COX10: variants seen among roughly 807,000 people sequenced by gnomAD.
The protein encoded by COX10 is protoheme IX farnesyltransferase, mitochondrial.
Under a neutral mutation model 37.3 loss-of-function variants are expected in COX10, and 27 were observed. The observed-to-expected ratio is 0.72, with a 90% confidence interval of 0.53 to 1.00. COX10 has a LOEUF of 1.00. Among genes scored for constraint, COX10 ranks in the 50% least tolerant of loss-of-function variants. The probability of loss-of-function intolerance (pLI) is 0.00; values close to 1 mark genes in which losing one functional copy is unlikely to be tolerated. For missense variants in COX10, 475 were observed against 563.2 expected (o/e 0.84, Z 1.59); for synonymous variants, 222 against 229.1 (o/e 0.97, Z 0.28).
chr17:14,069,693 T>G, intron 1 of COX10, 45 bp downstream of exon 1: 2 of 1,611,956 alleles, frequency 1.2e-6, no homozygotes, highest in Non-Finnish European at 1.7e-6. Flanking sequence ...AATTCTTCTC[T>G]TATTACCACG....
chr17:14,115,408 A>G (rs1916088453), intron 4 of COX10, among the ~76,000 whole-genome samples: 1 of 152,154 alleles, frequency 6.6e-6, no homozygotes, highest in Non-Finnish European at 1.5e-5. Flanking sequence ...TGCAGAGAAA[A>G]GGGAACTCAT....
chr17:14,145,754 G>T (rs949097663), intron 4 of COX10, among the ~76,000 whole-genome samples: 3 of 152,136 alleles, frequency 2.0e-5, no homozygotes, highest in Non-Finnish European at 4.4e-5. Flanking sequence ...AAGTTACTAG[G>T]GGAGGATCAA....
chr17:14,204,407 TGGATCCATAAGCCCA>T (rs1265672821), intron 6 of COX10, among the ~76,000 whole-genome samples: 5 of 152,028 alleles, frequency 3.3e-5, no homozygotes, highest in Non-Finnish European at 7.4e-5. Context: ...GGCATCTGTA[TGGATCCATAAGCCCA>T]GGATCCATAA....
intron 5 of COX10, among the ~76,000 whole-genome samples, chr17:14,184,746 G>T (rs878932176): frequency 6.6e-6 from 1 of 152,132 alleles, no homozygotes; most frequent in African/African-American, 2.4e-5. Flanking sequence ...CTGAAAGTGG[G>T]TGACCTAACC....
At chr17:14,147,775 A>G (rs543366764) in intron 4 of COX10, among the ~76,000 whole-genome samples, 1 of 148,180 alleles carries the variant, frequency 6.7e-6, no homozygotes, top group African/African-American at 2.5e-5. Context: ...TACCTATAAA[A>G]ATTAAAACAA....
chr17:14,123,392 G>GT (rs1916268086), intron 4 of COX10, among the ~76,000 whole-genome samples: 1 of 152,128 alleles, frequency 6.6e-6, no homozygotes, highest in African/African-American at 2.4e-5. Flanking sequence ...TAATAACTCA[G>GT]TAATTTTCTC....
intron 4 of COX10, among the ~76,000 whole-genome samples, chr17:14,121,016 G>C (rs1345200711): frequency 6.6e-6 from 1 of 152,128 alleles, no homozygotes; most frequent in Non-Finnish European, 1.5e-5. Flanking sequence ...TCTGTAACCT[G>C]GGTGAATGTG....
intron 4 of COX10, among the ~76,000 whole-genome samples, chr17:14,153,853 A>C (rs1270984039): frequency 6.6e-6 from 1 of 152,222 alleles, no homozygotes; most frequent in African/African-American, 2.4e-5. Flanking sequence ...GATATCCATT[A>C]ACCAGATATC....
At chr17:14,160,227 T>G (rs575464707) in intron 5 of COX10, among the ~76,000 whole-genome samples, 82 of 152,268 alleles carry the variant, frequency 5.4e-4, no homozygotes, top group Middle Eastern at 3.4e-3. Flanking sequence ...TTTCTTTCAT[T>G]TGTAGTGGCT....
At chr17:14,146,827 G>A (rs1164326560) in intron 4 of COX10, among the ~76,000 whole-genome samples, 1 of 152,086 alleles carries the variant, frequency 6.6e-6, no homozygotes, top group Admixed American at 6.6e-5. Flanking sequence ...TTTTTAAATG[G>A]GCAAAAGATT....
intron 4 of COX10, among the ~76,000 whole-genome samples, chr17:14,151,563 A>G (rs1904895618): frequency 6.9e-6 from 1 of 144,522 alleles, no homozygotes; most frequent in Admixed American, 7.0e-5. Flanking sequence ...ACACACACAC[A>G]CACACACACA....
intron 5 of COX10, chr17:14,179,150 G>A (rs981641468): frequency 3.6e-5 from 19 of 521,992 alleles, no homozygotes; most frequent in Non-Finnish European, 4.7e-5. Context: ...TCAGAGATGT[G>A]TTTCCTAGTT....
intron 4 of COX10, among the ~76,000 whole-genome samples, chr17:14,151,614 G>A (rs1479667283): frequency 6.6e-6 from 1 of 151,208 alleles, no homozygotes; most frequent in Non-Finnish European, 1.5e-5. Flanking sequence ...GAGTTTATTT[G>A]TTAAATTAGG....
At position 14,088,543 on chromosome 17, in the gene COX10, GTAAGTATAAGAT is replaced by G. The variant is rs1230355874; in HGVS notation, c.499+11488_499+11499del. 6.6e-5 allele frequency among the ~76,000 whole-genome samples: 10 copies of G among 152,200 alleles called. No individual in the cohort carries two copies. The South Asian group carries it at 2.1e-3, about 32-fold the overall frequency. On this transcript the variant is annotated intron_variant, in intron 3 of 6. Coordinates refer to ENST00000261643, the MANE Select transcript of COX10 (RefSeq NM_001303.4). ...CAATTTGATTTTAATTGAACTGATT[GTAAGTATAAGAT>G]GCTATGGTAGATGCCAGGGGAAGGT...
intron 4 of COX10, among the ~76,000 whole-genome samples, chr17:14,118,674 G>T (rs535366428): frequency 2.0e-5 from 3 of 151,974 alleles, no homozygotes; most frequent in Non-Finnish European, 4.4e-5. Flanking sequence ...GGGAGTAAAG[G>T]CATAAAAATT....
At chr17:14,186,455 T>TTTAC (rs1271670405) in intron 5 of COX10, among the ~76,000 whole-genome samples, 4 of 151,836 alleles carry the variant, frequency 2.6e-5, no homozygotes, top group African/African-American at 9.7e-5. Flanking sequence ...CGGGTCTCAG[T>TTTAC]TTACACATCA....
chr17:14,132,278 A>G (rs1309909449), intron 4 of COX10, among the ~76,000 whole-genome samples: 1 of 151,954 alleles, frequency 6.6e-6, no homozygotes, highest in South Asian at 2.1e-4. Flanking sequence ...TGCCTAACAT[A>G]CGTATATGAT....
At chr17:14,113,719 TAA>T (rs889491434) in intron 4 of COX10, among the ~76,000 whole-genome samples, 2 of 152,126 alleles carry the variant, frequency 1.3e-5, no homozygotes, top group Non-Finnish European at 2.9e-5. Flanking sequence ...ATTCAAAAGG[TAA>T]AGTCACAGAG....
chr17:14,115,704 A>T (rs962713626), intron 4 of COX10, among the ~76,000 whole-genome samples: 1 of 152,226 alleles, frequency 6.6e-6, no homozygotes, highest in Admixed American at 6.5e-5. Flanking sequence ...CATTAAAAAG[A>T]ATGAAATAAT....
Sources: gnomAD v4.1 joint callset for allele counts (sites outside exome capture counted in the v4.1 genomes callset) on GRCh38, gnomAD v4.1.1 for gene constraint, MANE v1.5 for transcripts, NCBI Gene and HGNC (gene_info 2026-07-23, HGNC 2026-07-21) for gene names.